SVIL: variants seen among roughly 807,000 people sequenced by gnomAD.
The protein encoded by SVIL is archvillin.
In SVIL, 101 loss-of-function variants were observed where a neutral mutation model predicts 240.4. That is an observed-to-expected ratio of 0.42 (90% CI 0.36 to 0.50). The LOEUF (loss-of-function observed/expected upper bound fraction) is 0.50. SVIL is among the 20% of genes least tolerant of loss of function. The pLI is 0.01. For missense variants in SVIL, 2,512 were observed against 2,818.7 expected (o/e 0.89, Z 2.46); for synonymous variants, 999 against 1,100.0 (o/e 0.91, Z 1.82).
At chr10:29,601,445 T>C (rs139388464) in intron 1 of SVIL, among the ~76,000 whole-genome samples, 1 of 152,370 alleles carries the variant, frequency 6.6e-6, no homozygotes, top group African/African-American at 2.4e-5. Context: ...ACTATCCATA[T>C]TCTTTCACCA....
At chr10:29,574,253 C>T (rs77075264) in intron 1 of SVIL, among the ~76,000 whole-genome samples, 8,804 of 152,172 alleles carry the variant, frequency 0.058, 731 homozygotes, top group African/African-American at 0.18. Flanking sequence ...GATGGGCGTG[C>T]GAACCTGCTT....
At chr10:29,736,460 G>A (rs1376677481), upstream of SVIL, among the ~76,000 whole-genome samples, 1 of 152,206 alleles carries the variant, frequency 6.6e-6, no homozygotes, top group East Asian at 1.9e-4. Flanking sequence ...TGGAGGCCAG[G>A]GCCGCCCTAT....
chr10:29,514,583 T>C (rs1362648455), intron 16 of SVIL, among the ~76,000 whole-genome samples: 1 of 152,182 alleles, frequency 6.6e-6, no homozygotes. Context: ...GTGCTTGCTA[T>C]GTTGCCCAGG....
chr10:29,468,146 C>T (rs1338831512), intron 32 of SVIL, among the ~76,000 whole-genome samples: 1 of 152,186 alleles, frequency 6.6e-6, no homozygotes, highest in Non-Finnish European at 1.5e-5. Context: ...CCTTAGTCCT[C>T]AGAATCCACT....
chr10:29,551,969 C>T (rs1166730813), intron 5 of SVIL, among the ~76,000 whole-genome samples: 1 of 151,830 alleles, frequency 6.6e-6, no homozygotes, highest in Non-Finnish European at 1.5e-5. Flanking sequence ...TAAAAATTAG[C>T]TGGGCATGAT....
At chr10:29,461,457 A>G (rs1588766859) in intron 36 of SVIL, among the ~76,000 whole-genome samples, 1 of 152,186 alleles carries the variant, frequency 6.6e-6, no homozygotes, top group Admixed American at 6.5e-5. Flanking sequence ...TGCTAAGCAG[A>G]AGTAGATTCT....
intron 1 of SVIL, among the ~76,000 whole-genome samples, chr10:29,722,399 A>G (rs1000564214): frequency 6.6e-5 from 10 of 152,166 alleles, no homozygotes; most frequent in African/African-American, 2.4e-4. Flanking sequence ...CCTAGAAGTT[A>G]AGAAATTTTG....
intron 2 of SVIL, among the ~76,000 whole-genome samples, chr10:29,664,927 T>G (rs765709528): frequency 2.0e-5 from 3 of 151,990 alleles, no homozygotes; most frequent in Non-Finnish European, 4.4e-5. Flanking sequence ...GAGACACTAT[T>G]CATGTAGGCA....
chr10:29,606,202 C>G (rs1589372921), intron 1 of SVIL, among the ~76,000 whole-genome samples: 1 of 151,934 alleles, frequency 6.6e-6, no homozygotes, highest in East Asian at 1.9e-4. Context: ...CGCCACAGCT[C>G]CCGGCCTATT....
chr10:29,560,148 T>A (rs1358053558), intron 3 of SVIL, among the ~76,000 whole-genome samples: 2 of 152,002 alleles, frequency 1.3e-5, no homozygotes, highest in African/African-American at 4.8e-5. Flanking sequence ...CCCACAGGAG[T>A]AAAGCCCTTT....
chr10:29,677,839 T>G (rs1227310108), intron 2 of SVIL, among the ~76,000 whole-genome samples: 3 of 152,204 alleles, frequency 2.0e-5, no homozygotes, highest in African/African-American at 7.2e-5. Flanking sequence ...CATTTGTGCT[T>G]GATGCTCCTC....
chr10:29,609,903 T>C (rs1957175643), intron 1 of SVIL, among the ~76,000 whole-genome samples: 2 of 152,144 alleles, frequency 1.3e-5, no homozygotes, highest in South Asian at 4.1e-4. Context: ...CTGGGCTGAG[T>C]GGACAGAACA....
Position 29,561,104 on chromosome 10 carries a change from A to AG in SVIL, c.-51+2096dup, listed in dbSNP as rs148745891. 2.6e-3 allele frequency among the ~76,000 whole-genome samples: 393 copies of AG among 148,484 alleles called. 3 individuals are homozygous for AG. The highest frequency in any genetic ancestry group is 9.4e-3 in the African/African-American group (376 of 40,160). On this transcript the variant is annotated intron_variant, in intron 3 of 37. Coordinates refer to ENST00000355867, the MANE Select transcript of SVIL (RefSeq NM_021738.3). ...CCAAAGTGCTGGGATTACAGATGCG[A>AG]GCCACCATGCCCAGCCGGGGCACTG...
In SVIL at chr10:29,463,398, C is replaced by T. The variant is rs1324618730; in HGVS notation, c.6277+94G>A. On this transcript the variant is annotated intron_variant, in intron 35 of 37. Transcript: ENST00000355867. ...GGCTTTATGGATGGATGCTGGCTGA[C>T]ATGCACAGAAGGGGAAGGGGGTCTC... 2.1e-6 allele frequency: 3 copies of T among 1,449,956 alleles called. No homozygotes were observed. The African/African-American group carries it at 4.3e-5, about 21-fold the overall frequency. The allele number at this position is 1,449,956 out of a possible 1,614,324, so 89.8% of individuals were successfully genotyped here.
chr10:29,625,105 A>C (rs1490282198), intron 1 of SVIL, among the ~76,000 whole-genome samples: 1 of 152,178 alleles, frequency 6.6e-6, no homozygotes, highest in African/African-American at 2.4e-5. Flanking sequence ...TACAGACTCC[A>C]AAGTTTCAGT....
chr10:29,716,732 A>T (rs1589568643), intron 1 of SVIL, among the ~76,000 whole-genome samples: 1 of 152,362 alleles, frequency 6.6e-6, no homozygotes, highest in Admixed American at 6.5e-5. Flanking sequence ...CTGGCCAGTT[A>T]TAAAACATCT....
intron 34 of SVIL, among the ~76,000 whole-genome samples, chr10:29,464,934 T>C (rs776532688): frequency 3.3e-5 from 5 of 152,166 alleles, no homozygotes; most frequent in Non-Finnish European, 7.4e-5. Context: ...AGCCCTGACC[T>C]TGGGATCAGA....
At chr10:29,679,084 A>G (rs999460318) in intron 2 of SVIL, among the ~76,000 whole-genome samples, 1 of 152,182 alleles carries the variant, frequency 6.6e-6, no homozygotes, top group African/African-American at 2.4e-5. Flanking sequence ...GCACGCCTGT[A>G]ATCCCAGCTA....
intron 1 of SVIL, among the ~76,000 whole-genome samples, chr10:29,727,037 A>T (rs2132708987): frequency 6.6e-6 from 1 of 152,282 alleles, no homozygotes; most frequent in South Asian, 2.1e-4. Flanking sequence ...ACAAGCATAC[A>T]CACACACACC....
Sources: gnomAD v4.1 joint callset for allele counts (sites outside exome capture counted in the v4.1 genomes callset) on GRCh38, gnomAD v4.1.1 for gene constraint, MANE v1.5 for transcripts, NCBI Gene and HGNC (gene_info 2026-07-23, HGNC 2026-07-21) for gene names.